The following DAGLB variants were observed in gnomAD, a reference collection of about 807,000 sequenced individuals.
DAGLB encodes diacylglycerol lipase-beta.
A neutral mutation model predicts 72.1 loss-of-function variants in DAGLB; 66 were observed. The observed-to-expected ratio is 0.92, with a 90% confidence interval of 0.75 to 1.12. DAGLB has a LOEUF of 1.12. Among genes scored for constraint, DAGLB ranks in the 50% most tolerant of loss-of-function variants. The probability of loss-of-function intolerance (pLI) is 0.00; values close to 1 mark genes in which losing one functional copy is unlikely to be tolerated. For synonymous variants in DAGLB, 414 were observed against 359.5 expected (o/e 1.15, Z -1.71); for missense variants, 1,065 against 884.9 (o/e 1.20, Z -2.58).
At chr7:6,416,500 G>C in intron 11 of DAGLB, 127 bp downstream of exon 11, 1 of 1,386,968 alleles carries the variant, frequency 7.2e-7, no homozygotes, top group Non-Finnish European at 9.7e-7. Flanking sequence ...CCGAGATCAC[G>C]CCACTGCACT....
intron 3 of DAGLB, 93 bp downstream of exon 3, chr7:6,436,268 TC>T: frequency 2.1e-6 from 3 of 1,457,636 alleles, no homozygotes; most frequent in Non-Finnish European, 2.8e-6. Flanking sequence ...TTTGAGGAAG[TC>T]CGAGGGACGC....
rs544779067 is a variant in DAGLB at position 6,428,202 on chromosome 7, C to T, written c.930-2088G>A. Among the ~76,000 whole-genome samples the T allele has an allele frequency of 1.1e-3, 166 of 150,036 alleles. 1 individual carries two copies. Among genetic ancestry groups the T allele is most frequent in the African/African-American group, 3.8e-3 (153 of 40,788 alleles). On this transcript the variant is annotated intron_variant, in intron 6 of 14. Transcript: ENST00000297056. The stretch of plus-strand genomic sequence containing the variant: ...TCTATTAAAATTACAAAAAACTAGC[C>T]GAGTATGGTGGTGCAGGCCTGTAAT...
At chr7:6,419,588 C>T (rs1402793229) in intron 9 of DAGLB, among the ~76,000 whole-genome samples, 1 of 152,208 alleles carries the variant, frequency 6.6e-6, no homozygotes, top group Non-Finnish European at 1.5e-5. Context: ...ACAGGACAGG[C>T]CCTGAGCGGC....
chr7:6,432,701 AG>A, intron 5 of DAGLB, 135 bp downstream of exon 5: 1 of 449,748 alleles, frequency 2.2e-6, no homozygotes, highest in East Asian at 6.2e-5. Flanking sequence ...AGGGAAGGGG[AG>A]GAGGGGGAGG....
At chr7:6,417,973 C>T (rs183707076) in intron 9 of DAGLB, among the ~76,000 whole-genome samples, 3,480 of 152,182 alleles carry the variant, frequency 0.023, 64 homozygotes, top group Middle Eastern at 0.054. Context: ...TGGGTTCAAG[C>T]AATTCTCCTG....
intron 6 of DAGLB, among the ~76,000 whole-genome samples, chr7:6,428,945 C>G (rs1021801379): frequency 2.0e-5 from 3 of 152,146 alleles, no homozygotes; most frequent in Admixed American, 2.0e-4. Flanking sequence ...CCTGGGACTA[C>G]AGGTACACAC....
chr7:6,424,659 A>C, intron 8 of DAGLB, 93 bp downstream of exon 8: 1 of 1,204,936 alleles, frequency 8.3e-7, no homozygotes, highest in Non-Finnish European at 1.2e-6. Context: ...CCTGTGTCTC[A>C]TGCGGTTACT....
intron 14 of DAGLB, 24 bp downstream of exon 14, chr7:6,410,106 C>A: frequency 6.3e-7 from 1 of 1,577,396 alleles, no homozygotes; most frequent in Non-Finnish European, 8.6e-7. Flanking sequence ...TGCCTGCCCA[C>A]CACACCCACC....
At chr7:6,443,419 A>G (rs1784899994) in intron 2 of DAGLB, among the ~76,000 whole-genome samples, 1 of 152,140 alleles carries the variant, frequency 6.6e-6, no homozygotes, top group Non-Finnish European at 1.5e-5. Flanking sequence ...ACGCCATTGC[A>G]GTCCAGCCCT....
chr7:6,421,309 AGGCAGCGCGGGAG>A lies in DAGLB; in HGVS notation c.1218+405_1218+417del, dbSNP rs1290602016. On this transcript the variant is annotated intron_variant, in intron 9 of 14. Coordinates refer to ENST00000297056, the MANE Select transcript of DAGLB (RefSeq NM_139179.4). ...GCCTCCCAGGGCTGCTGTGAGAATC[AGGCAGCGCGGGAG>A]GCGCAGGCAGCGCGGGAGGCGCAGG... Among the ~76,000 whole-genome samples, 4 of 33,322 alleles carry A rather than the reference AGGCAGCGCGGGAG, an allele frequency of 1.2e-4. 1 individual carries two copies. Among genetic ancestry groups the A allele is most frequent in the East Asian group, 6.2e-3 (1 of 162 alleles). 21.9% of individuals were successfully genotyped at this position (33,322 alleles called of 152,430 possible).
Position 6,435,032 on chromosome 7 carries a change from A to G in DAGLB, c.420-12T>C. On this transcript the variant is annotated splice_polypyrimidine_tract_variant and intron_variant, in intron 3 of 14. Transcript: ENST00000297056. ...CGATGATGATCCAACTGCAAGACAG[A>G]GAGAGGAAAAGGCTCGGTGACTGCG... The G allele has an allele frequency of 6.2e-7, 1 of 1,611,808 alleles. No individual in the cohort carries two copies. Among genetic ancestry groups the G allele is most frequent in the Non-Finnish European group, 8.5e-7 (1 of 1,179,304 alleles).
At chr7:6,432,218 G>A (rs553438459) in intron 5 of DAGLB, among the ~76,000 whole-genome samples, 2 of 152,242 alleles carry the variant, frequency 1.3e-5, no homozygotes, top group East Asian at 3.9e-4. Context: ...TGAGTGTGAT[G>A]GTATGCGCCT....
intron 13 of DAGLB, among the ~76,000 whole-genome samples, chr7:6,411,307 C>T (rs865965795): frequency 6.6e-6 from 1 of 152,072 alleles, no homozygotes; most frequent in Non-Finnish European, 1.5e-5. Context: ...CCGGGCCCGC[C>T]CTAGATACTA....
At chr7:6,419,495 G>A (rs1784037110) in intron 9 of DAGLB, among the ~76,000 whole-genome samples, 1 of 152,144 alleles carries the variant, frequency 6.6e-6, no homozygotes, top group African/African-American at 2.4e-5. Flanking sequence ...AAGCCCTTTC[G>A]GCCACACAGG....
intron 2 of DAGLB, among the ~76,000 whole-genome samples, chr7:6,443,962 T>C (rs896841112): frequency 6.6e-6 from 1 of 152,112 alleles, no homozygotes; most frequent in Admixed American, 6.6e-5. Flanking sequence ...CTGTAACACA[T>C]ATAAAAAATA....
At chr7:6,442,545 A>G (rs761804871) in intron 2 of DAGLB, among the ~76,000 whole-genome samples, 8 of 152,216 alleles carry the variant, frequency 5.3e-5, no homozygotes, top group Non-Finnish European at 1.0e-4. Context: ...AAAAGGGCAA[A>G]TAAGTTAGAT....
chr7:6,410,935 A>G (rs1583277336), intron 13 of DAGLB, among the ~76,000 whole-genome samples: 1 of 130,528 alleles, frequency 7.7e-6, no homozygotes, highest in Admixed American at 9.1e-5. Flanking sequence ...CCCAGGCTGG[A>G]GTGCAGTGGC....
At chr7:6,427,214 G>T (rs912626681) in intron 6 of DAGLB, among the ~76,000 whole-genome samples, 1 of 152,128 alleles carries the variant, frequency 6.6e-6, no homozygotes, top group Non-Finnish European at 1.5e-5. Flanking sequence ...AGTGGAACTG[G>T]GTATAGCAAT....
intron 2 of DAGLB, among the ~76,000 whole-genome samples, chr7:6,437,462 C>T (rs1784701489): frequency 6.6e-6 from 1 of 152,094 alleles, no homozygotes; most frequent in African/African-American, 2.4e-5. Context: ...GACAAGGTCT[C>T]ACTCTCTTGC....
Sources: gnomAD v4.1 joint callset for allele counts (sites outside exome capture counted in the v4.1 genomes callset) on GRCh38, gnomAD v4.1.1 for gene constraint, MANE v1.5 for transcripts, NCBI Gene and HGNC (gene_info 2026-07-23, HGNC 2026-07-21) for gene names.